CAP2: variants seen among roughly 807,000 people sequenced by gnomAD.
CAP2 encodes adenylyl cyclase-associated protein 2.
In CAP2, 24 loss-of-function variants were observed where a neutral mutation model predicts 57.7. The observed-to-expected ratio is 0.42, with a 90% CI of 0.30 to 0.58. The LOEUF is 0.58. CAP2 is among the 20% of genes least tolerant of loss of function. The pLI is 0.22. For synonymous variants in CAP2, 194 were observed against 207.2 expected (o/e 0.94, Z 0.55); for missense variants, 501 against 590.3 (o/e 0.85, Z 1.57).
chr6:17,397,046 A>G (rs1270651478), intron 1 of CAP2, among the ~76,000 whole-genome samples: 2 of 152,094 alleles, frequency 1.3e-5, no homozygotes, highest in African/African-American at 2.4e-5. Flanking sequence ...TGGTTTATGA[A>G]AAAAGGTATT....
rs1762200109 is a variant in CAP2, at chr6:17,513,288, G to A, written c.531-561G>A. ...AGTAAATGTCCCTTTAGAAGTAAGG[G>A]GTGTTACCTGTTTGTAAGAGATCAA... On this transcript the variant is annotated intron_variant, in intron 6 of 12. Coordinates refer to ENST00000229922, the MANE Select transcript of CAP2 (RefSeq NM_006366.3). The surrounding 1 kb of genome is among the most constrained non-coding windows in gnomAD (Gnocchi z 4.3). Among the ~76,000 whole-genome samples the A allele has an allele frequency of 6.6e-6, 1 of 151,902 alleles. No homozygotes were observed. Among genetic ancestry groups the A allele is most frequent in the South Asian group, 2.1e-4 (1 of 4,808 alleles).
At chr6:17,442,964 G>T (rs551965352) in intron 3 of CAP2, among the ~76,000 whole-genome samples, 2 of 151,894 alleles carry the variant, frequency 1.3e-5, no homozygotes, top group East Asian at 1.9e-4. Flanking sequence ...GTAATCCACC[G>T]CCTCGACCTC....
At chr6:17,416,996 A>C (rs7755120) in intron 1 of CAP2, among the ~76,000 whole-genome samples, 40,644 of 151,780 alleles carry the variant, frequency 0.27, 6,304 homozygotes, top group South Asian at 0.33. Flanking sequence ...ACTAGGGAGG[A>C]TCTTTGGTGG....
intron 7 of CAP2, among the ~76,000 whole-genome samples, chr6:17,526,574 G>A (rs1762515516): frequency 6.6e-6 from 1 of 152,210 alleles, no homozygotes; most frequent in Admixed American, 6.5e-5. Flanking sequence ...ACAGAAGGTA[G>A]TATTAACTTA....
intron 3 of CAP2, among the ~76,000 whole-genome samples, chr6:17,430,540 G>GT (rs397949018): frequency 0.17 from 22,925 of 138,452 alleles, 2,526 homozygotes; most frequent in African/African-American, 0.32. Context: ...GTGACTTTGG[G>GT]TTTTTTTTTT....
intron 3 of CAP2, among the ~76,000 whole-genome samples, chr6:17,453,843 G>A (rs561408970): frequency 7.3e-4 from 110 of 151,602 alleles, no homozygotes; most frequent in Non-Finnish European, 1.4e-3. Flanking sequence ...GAGAGGCGGA[G>A]ACCTGTCTCT....
rs565372069 is a variant in CAP2, at chr6:17,539,305, C to T, written c.673C>T (p.Leu225Phe). 4 of 1,613,928 alleles carry T rather than the reference C, an allele frequency of 2.5e-6. No homozygotes were observed. The African/African-American group carries it at 5.3e-5, about 22-fold the overall frequency. The change falls in exon 8 of 13, where the codon CTC becomes TTC. Residue 225 changes from leucine to phenylalanine, a missense_variant. Transcript: ENST00000229922. ...VASTVSAFSVLSSGPGLPPPP... is the reference protein window; with the variant it reads ...VASTVSAFSVFSSGPGLPPPP... Reference sequence around the variant, plus strand: ...ATCCACAGTATCAGCGTTTTCTGTCCTCTCCTCTGGGCCTGGCCTTCCTCC... The same window carrying T: ...ATCCACAGTATCAGCGTTTTCTGTCTTCTCCTCTGGGCCTGGCCTTCCTCC...
chr6:17,523,279 C>G (rs1368144219), intron 7 of CAP2, among the ~76,000 whole-genome samples: 1 of 152,072 alleles, frequency 6.6e-6, no homozygotes, highest in Admixed American at 6.6e-5. Flanking sequence ...ATCTGGAAGT[C>G]TGGGAGAGAA....
At chr6:17,452,533 A>C (rs567012260) in intron 3 of CAP2, among the ~76,000 whole-genome samples, 2 of 152,184 alleles carry the variant, frequency 1.3e-5, no homozygotes, top group Non-Finnish European at 2.9e-5. Flanking sequence ...ATTCTTGGCT[A>C]TGACAGCACA....
At chr6:17,403,061 T>C (rs34934038) in intron 1 of CAP2, among the ~76,000 whole-genome samples, 1 of 152,094 alleles carries the variant, frequency 6.6e-6, no homozygotes, top group Non-Finnish European at 1.5e-5. Flanking sequence ...AAGAATTAAA[T>C]TGATGCTCAA....
intron 3 of CAP2, among the ~76,000 whole-genome samples, chr6:17,445,748 C>A (rs1760239848): frequency 1.3e-5 from 2 of 152,160 alleles, no homozygotes; most frequent in Non-Finnish European, 2.9e-5. Flanking sequence ...ATCCCCTCTC[C>A]CCAAAGCTCA....
intron 4 of CAP2, among the ~76,000 whole-genome samples, chr6:17,492,562 G>A (rs974025980): frequency 2.0e-5 from 3 of 152,152 alleles, no homozygotes; most frequent in African/African-American, 7.2e-5. Flanking sequence ...CAGTTGGGGG[G>A]AAAAGCAGCT....
At chr6:17,424,019 G>A (rs1370463989) in intron 2 of CAP2, among the ~76,000 whole-genome samples, 10 of 151,844 alleles carry the variant, frequency 6.6e-5, no homozygotes, top group East Asian at 3.9e-4. Flanking sequence ...CAAATCCGCC[G>A]AACAACCTTT....
intron 4 of CAP2, among the ~76,000 whole-genome samples, chr6:17,495,882 G>A (rs114402727): frequency 0.014 from 2,085 of 152,098 alleles, 52 homozygotes; most frequent in African/African-American, 0.047. Context: ...GTTAGAAGTG[G>A]GGACAGGGCT....
At chr6:17,490,977 A>G (rs1257402082) in intron 4 of CAP2, among the ~76,000 whole-genome samples, 5 of 152,200 alleles carry the variant, frequency 3.3e-5, no homozygotes, top group Non-Finnish European at 7.3e-5. Flanking sequence ...GGCTGTGCCC[A>G]TAGCTCCACT....
chr6:17,555,716 A>G (rs899993138), intron 12 of CAP2, among the ~76,000 whole-genome samples: 2 of 151,286 alleles, frequency 1.3e-5, no homozygotes, highest in Admixed American at 1.3e-4. Context: ...GGCGCATGCC[A>G]CCATTCCTGG....
chr6:17,417,066 T>G (rs1426792568), intron 1 of CAP2, among the ~76,000 whole-genome samples: 4 of 151,488 alleles, frequency 2.6e-5, no homozygotes, highest in Admixed American at 2.6e-4. Context: ...GCCACTGCAC[T>G]CCAGCCTGAG....
chr6:17,417,883 A>G (rs1364472712), intron 1 of CAP2, among the ~76,000 whole-genome samples: 1 of 151,988 alleles, frequency 6.6e-6, no homozygotes, highest in African/African-American at 2.4e-5. Flanking sequence ...CCTGAAGCAA[A>G]TTCCTTGGTC....
intron 3 of CAP2, among the ~76,000 whole-genome samples, chr6:17,432,413 C>A (rs1027734583): frequency 6.6e-6 from 1 of 152,174 alleles, no homozygotes; most frequent in African/African-American, 2.4e-5. Flanking sequence ...CTGCCTTCAG[C>A]CAACTTGCTC....
Sources: gnomAD v4.1 joint callset for allele counts (sites outside exome capture counted in the v4.1 genomes callset) on GRCh38, gnomAD v4.1.1 for gene constraint, Gnocchi (gnomAD v3.1) non-coding constraint, MANE v1.5 for transcripts, NCBI Gene and HGNC (gene_info 2026-07-23, HGNC 2026-07-21) for gene names.